The following TBC1D32 variants were observed in gnomAD, a reference collection of about 807,000 sequenced individuals.
The protein encoded by TBC1D32 is protein broad-minded.
TBC1D32 carries 151 observed loss-of-function variants against 170.3 expected under a neutral mutation model. The ratio of observed to expected loss-of-function variants is 0.89; its 90% confidence interval spans 0.78 to 1.01. The LOEUF (loss-of-function observed/expected upper bound fraction) is 1.01, where lower values mean the gene tolerates loss of function less well. Among genes scored for constraint, TBC1D32 ranks in the 50% least tolerant of loss-of-function variants. The pLI, the probability that TBC1D32 is intolerant of heterozygous loss-of-function variation, is 0.00. For missense variants in TBC1D32, 1,464 were observed against 1,457.1 expected (o/e 1.00, Z -0.08); for synonymous variants, 498 against 488.0 (o/e 1.02, Z -0.27).
At chr6:121,269,636 GACTT>G (rs990933575) in intron 15 of TBC1D32, among the ~76,000 whole-genome samples, 4 of 152,084 alleles carry the variant, frequency 2.6e-5, no homozygotes, top group African/African-American at 7.2e-5. Flanking sequence ...CCTACAAAGA[GACTT>G]ACACTCCCAC....
chr6:121,245,510 C>T (rs1347010429), intron 17 of TBC1D32, among the ~76,000 whole-genome samples: 1 of 152,184 alleles, frequency 6.6e-6, no homozygotes, highest in Non-Finnish European at 1.5e-5. Flanking sequence ...ACATCACAAA[C>T]ATAATTGCAG....
intron 15 of TBC1D32, among the ~76,000 whole-genome samples, chr6:121,277,030 C>T (rs779454371): frequency 6.6e-6 from 1 of 151,968 alleles, no homozygotes; most frequent in Non-Finnish European, 1.5e-5. Flanking sequence ...AAAGTTGAAC[C>T]AAACAGTACC....
At chr6:121,316,002 A>T (rs1407935209) in intron 3 of TBC1D32, among the ~76,000 whole-genome samples, 2 of 152,166 alleles carry the variant, frequency 1.3e-5, no homozygotes, top group East Asian at 3.9e-4. Context: ...TTGAAAATTT[A>T]TATATACCCT....
chr6:121,272,251 A>G (rs1801554126), intron 15 of TBC1D32, among the ~76,000 whole-genome samples: 2 of 152,318 alleles, frequency 1.3e-5, no homozygotes, highest in East Asian at 1.9e-4. Flanking sequence ...GCCAAAATTG[A>G]CAAATGGGAT....
intron 24 of TBC1D32, among the ~76,000 whole-genome samples, chr6:121,138,386 C>G (rs999345589): frequency 2.0e-5 from 3 of 152,160 alleles, no homozygotes; most frequent in African/African-American, 7.2e-5. Flanking sequence ...CATCTTACTG[C>G]ACCTGCACTA....
At chr6:121,246,668 A>G (rs894299527) in intron 17 of TBC1D32, among the ~76,000 whole-genome samples, 3 of 151,946 alleles carry the variant, frequency 2.0e-5, no homozygotes, top group African/African-American at 7.2e-5. Flanking sequence ...ACTTTTCCAG[A>G]GAAATAGATA....
At chr6:121,274,563 CAA>C (rs1356760596) in intron 15 of TBC1D32, among the ~76,000 whole-genome samples, 6 of 150,386 alleles carry the variant, frequency 4.0e-5, no homozygotes, top group African/African-American at 1.5e-4. Flanking sequence ...CATGAATCTT[CAA>C]ATTTACAATG....
At chr6:121,232,810 T>C (rs76473455) in intron 20 of TBC1D32, among the ~76,000 whole-genome samples, 3,668 of 152,158 alleles carry the variant, frequency 0.024, 164 homozygotes, top group East Asian at 0.12. Flanking sequence ...TTGTGACATT[T>C]GATTGTATAT....
chr6:121,144,714 G>A (rs1294608417), intron 24 of TBC1D32, among the ~76,000 whole-genome samples: 2 of 152,074 alleles, frequency 1.3e-5, no homozygotes, highest in African/African-American at 2.4e-5. Context: ...AAGTATTAGA[G>A]ATATAAATCT....
At chr6:121,176,069 A>G (rs906982349) in intron 22 of TBC1D32, among the ~76,000 whole-genome samples, 19 of 152,324 alleles carry the variant, frequency 1.2e-4, no homozygotes, top group Middle Eastern at 3.4e-3. Context: ...ATGGAACCCT[A>G]AATAGTAGGG....
chr6:121,331,305 G>A (rs1292223408), intron 1 of TBC1D32, among the ~76,000 whole-genome samples: 2 of 151,840 alleles, frequency 1.3e-5, no homozygotes, highest in Non-Finnish European at 2.9e-5. Flanking sequence ...GCCTCCCAGG[G>A]TCAAGCAATT....
At chr6:121,177,453 G>A (rs567212279) in intron 22 of TBC1D32, among the ~76,000 whole-genome samples, 8 of 152,200 alleles carry the variant, frequency 5.3e-5, no homozygotes, top group South Asian at 2.1e-4. Context: ...TATGCTTCTC[G>A]TATAGTCTGC....
intron 9 of TBC1D32, among the ~76,000 whole-genome samples, chr6:121,302,001 G>GT (rs1806561002): frequency 6.6e-6 from 1 of 152,016 alleles, no homozygotes; most frequent in African/African-American, 2.4e-5. Flanking sequence ...AAAACCTTGG[G>GT]TTTTAAACCT....
chr6:121,197,512 T>A (rs2128294636), intron 22 of TBC1D32, among the ~76,000 whole-genome samples: 1 of 152,304 alleles, frequency 6.6e-6, no homozygotes, highest in Middle Eastern at 3.4e-3. Context: ...TTGTATACAC[T>A]TGTACTAAGA....
chr6:121,098,226 T>C (rs1777640112), intron 30 of TBC1D32, among the ~76,000 whole-genome samples: 1 of 149,678 alleles, frequency 6.7e-6, no homozygotes, highest in Non-Finnish European at 1.5e-5. Flanking sequence ...TAATAAAACA[T>C]TAAGTCAAAA....
chr6:121,249,289 C>A (rs1798002801), intron 17 of TBC1D32, among the ~76,000 whole-genome samples: 1 of 151,422 alleles, frequency 6.6e-6, no homozygotes, highest in Admixed American at 6.6e-5. Flanking sequence ...AAACCCTTAA[C>A]AAAATAGGCA....
intron 30 of TBC1D32, among the ~76,000 whole-genome samples, chr6:121,104,613 CA>C (rs2128189998): frequency 6.6e-6 from 1 of 151,388 alleles, no homozygotes; most frequent in East Asian, 1.9e-4. Context: ...AAAAATATAA[CA>C]ATGAATATAA....
chr6:121,189,856 C>T (rs974719661), intron 22 of TBC1D32, among the ~76,000 whole-genome samples: 1 of 151,966 alleles, frequency 6.6e-6, no homozygotes, highest in African/African-American at 2.4e-5. Flanking sequence ...AGAACATATA[C>T]CCTAAGTAAG....
At chr6:121,276,135 AC>A (rs372563782) in intron 15 of TBC1D32, among the ~76,000 whole-genome samples, 2,763 of 148,148 alleles carry the variant, frequency 0.019, 76 homozygotes, top group East Asian at 0.092. Flanking sequence ...AAAAAAAAAA[AC>A]AAACGACAAT....
Sources: gnomAD v4.1 joint callset for allele counts (sites outside exome capture counted in the v4.1 genomes callset) on GRCh38, gnomAD v4.1.1 for gene constraint, MANE v1.5 for transcripts, NCBI Gene and HGNC (gene_info 2026-07-23, HGNC 2026-07-21) for gene names.